The following PRKAB2 variants were observed in gnomAD, a reference collection of about 807,000 sequenced individuals.
PRKAB2 encodes protein kinase AMP-activated non-catalytic subunit beta 2.
A neutral mutation model predicts 29.8 loss-of-function variants in PRKAB2; 18 were observed. That is an observed-to-expected ratio of 0.60 (90% CI 0.42 to 0.89). The LOEUF (loss-of-function observed/expected upper bound fraction) is 0.89. Among genes scored for constraint, PRKAB2 ranks in the 40% least tolerant of loss-of-function variants. The pLI, the probability that PRKAB2 is intolerant of heterozygous loss-of-function variation, is 0.00. For synonymous variants in PRKAB2, 136 were observed against 125.9 expected (o/e 1.08, Z -0.54); for missense variants, 270 against 344.3 (o/e 0.78, Z 1.71).
At chr1:147,172,197 A>C (rs1654677645) in intron 1 of PRKAB2, 30 bp from the exon 2 acceptor site, 1 of 1,491,608 alleles carries the variant, frequency 6.7e-7, no homozygotes, top group African/African-American at 1.4e-5. Flanking sequence ...CGGGCTGGGA[A>C]CACCTCAGCC....
At chr1:147,171,844 C>G (rs1477013109) in intron 2 of PRKAB2, 145 bp downstream of exon 2, 1 of 1,091,222 alleles carries the variant, frequency 9.2e-7, no homozygotes, top group Non-Finnish European at 1.3e-6. Context: ...AATTATCATC[C>G]AACACCTCTG....
intron 2 of PRKAB2, among the ~76,000 whole-genome samples, chr1:147,169,294 A>G (rs1234878505): frequency 5.3e-5 from 8 of 152,204 alleles, no homozygotes; most frequent in Non-Finnish European, 1.2e-4. Flanking sequence ...AGTATAGCAT[A>G]TCAGTAGCAG....
chr1:147,172,043 C>T lies in PRKAB2; in HGVS notation c.102G>A (p.Lys34=). 2 of 1,590,086 alleles carry T rather than the reference C, an allele frequency of 1.3e-6. No homozygotes were observed. The highest frequency in any genetic ancestry group is 1.2e-5 in the South Asian group (1 of 86,668). ...GGTCGTCCGTACTCCCCACCATGAT[C>T]TTGTGCTCCTTCCCCGGGGCATGGC... is the stretch of plus-strand genomic sequence containing the variant. ...AGGHAPGKEH[K]IMVGSTDDPS... The change falls in exon 2 of 8, where the codon AAG becomes AAA. Residue 34 remains lysine (K), a synonymous_variant. Transcript: ENST00000254101.
chr1:147,160,772 C>T (rs587681213), intron 7 of PRKAB2: 1 of 152,286 alleles, frequency 6.6e-6, no homozygotes, highest in African/African-American at 2.4e-5. Context: ...GACTGGACCT[C>T]AGCAGTCCTG....
At chr1:147,170,081 T>C (rs1416199332) in intron 2 of PRKAB2, among the ~76,000 whole-genome samples, 2 of 152,216 alleles carry the variant, frequency 1.3e-5, no homozygotes, top group African/African-American at 4.8e-5. Flanking sequence ...TTACTCCAAG[T>C]TACTCAGCAA....
chr1:147,161,685 CTG>C, intron 7 of PRKAB2, 25 bp downstream of exon 7: 1 of 1,580,656 alleles, frequency 6.3e-7, no homozygotes, highest in Non-Finnish European at 8.7e-7. Flanking sequence ...CCAGGGAGCT[CTG>C]TGAAGAGCCA....
intron 5 of PRKAB2, 36 bp from the exon 6 acceptor site, chr1:147,162,609 G>C: frequency 6.4e-7 from 1 of 1,574,330 alleles, no homozygotes; most frequent in African/African-American, 1.4e-5. Flanking sequence ...GAAAGAGTTG[G>C]AGAATTAGCA....
At chr1:147,169,305 G>A (rs1305324948) in intron 2 of PRKAB2, among the ~76,000 whole-genome samples, 4 of 152,056 alleles carry the variant, frequency 2.6e-5, no homozygotes, top group Non-Finnish European at 4.4e-5. Flanking sequence ...TCAGTAGCAG[G>A]ATAATCCAAA....
rs189347102 is a variant in PRKAB2 at position 147,159,015 on chromosome 1, G to C, written c.*550C>G. On this transcript the variant is annotated 3_prime_UTR_variant, in exon 8 of 8. Coordinates refer to ENST00000254101, the MANE Select transcript of PRKAB2 (RefSeq NM_005399.5). Reference sequence around the variant, plus strand: ...AAGAATGTGAAATGAGAGGAATAAGGGTTCTTGTGGGGCATCTGGTATCAT... The same window carrying C: ...AAGAATGTGAAATGAGAGGAATAAGCGTTCTTGTGGGGCATCTGGTATCAT... The C allele has an allele frequency of 1.5e-3, 224 of 152,690 alleles. 1 individual carries two copies. Among genetic ancestry groups the C allele is most frequent in the African/African-American group, 4.8e-3 (200 of 41,516 alleles). 9.5% of individuals were successfully genotyped at this position (152,690 alleles called of 1,614,324 possible). A position where few individuals can be genotyped will look rare whatever the true frequency, so the allele number is the denominator to read the frequency against.
chr1:147,172,375 G>A (rs1362801172), intron 1 of PRKAB2, 54 bp downstream of exon 1: 8 of 596,886 alleles, frequency 1.3e-5, no homozygotes, highest in Non-Finnish European at 2.2e-5. Flanking sequence ...CCCGCTATCG[G>A]GACCTCCCCC....
chr1:147,162,564 C>T lies in PRKAB2; in HGVS notation c.548G>A (p.Ser183Asn). 6.2e-7 allele frequency: 1 copy of T among 1,605,916 alleles called. No homozygotes were observed. Among genetic ancestry groups the T allele is most frequent in the Non-Finnish European group, 8.5e-7 (1 of 1,176,526 alleles). ...TTGACCATAAGGCCCTGGGGGTGAG[C>T]TGGAAAGGTCTGAAAGATATTTATA... ...SSETSCRDLS[S>N]SPPGPYGQEM... is the part of the protein sequence containing the mutation. Residue 183 changes from serine (S) to asparagine (N), a missense_variant, in exon 6 of 8, where the codon AGC (serine) becomes AAC (asparagine). By Grantham distance (46) the Ser-to-Asn change is conservative (BLOSUM62 1). Around this residue, in one of 2 missense-constraint regions of PRKAB2, gnomAD observed 228 missense variants for 255.5 expected, o/e 0.89. Coordinates refer to ENST00000254101, the MANE Select transcript of PRKAB2 (RefSeq NM_005399.5).
intron 5 of PRKAB2, 138 bp from the exon 6 acceptor site, chr1:147,162,711 AG>A: frequency 1.1e-6 from 1 of 887,956 alleles, no homozygotes; most frequent in Non-Finnish European, 1.6e-6. Flanking sequence ...TGGGATCTAC[AG>A]CTGTAAGGTA....
At chr1:147,167,384 C>T (rs1448493758) in intron 3 of PRKAB2, among the ~76,000 whole-genome samples, 1 of 152,164 alleles carries the variant, frequency 6.6e-6, no homozygotes, top group Non-Finnish European at 1.5e-5. Flanking sequence ...CTCATTATTG[C>T]TTTGGAAGCA....
intron 7 of PRKAB2, among the ~76,000 whole-genome samples, chr1:147,160,593 C>T (rs1553912954): frequency 6.6e-6 from 1 of 152,124 alleles, no homozygotes; most frequent in Non-Finnish European, 1.5e-5. Context: ...GGTTAACACT[C>T]CAGAGTCATG....
At chr1:147,162,667 T>C in intron 5 of PRKAB2, 94 bp from the exon 6 acceptor site, 1 of 1,288,702 alleles carries the variant, frequency 7.8e-7, no homozygotes. Flanking sequence ...ACATTAAATA[T>C]GGTAGAAGTC....
chr1:147,168,693 C>G (rs587622525), intron 2 of PRKAB2, among the ~76,000 whole-genome samples: 2 of 152,314 alleles, frequency 1.3e-5, no homozygotes, highest in African/African-American at 4.8e-5. Flanking sequence ...ACTCCTGTTT[C>G]TTTTCATTAC....
At chr1:147,163,162 A>G (rs1377640472) in intron 5 of PRKAB2, among the ~76,000 whole-genome samples, 1 of 152,222 alleles carries the variant, frequency 6.6e-6, no homozygotes, top group Non-Finnish European at 1.5e-5. Context: ...TCACTAGGAC[A>G]GCTAAAATCA....
chr1:147,165,745 C>A (rs1654212924), intron 5 of PRKAB2, among the ~76,000 whole-genome samples: 1 of 149,866 alleles, frequency 6.7e-6, no homozygotes. Context: ...TTTTTTTAAC[C>A]AAAAATTTAC....
At chr1:147,163,456 A>G (rs1238818027) in intron 5 of PRKAB2, among the ~76,000 whole-genome samples, 4 of 152,260 alleles carry the variant, frequency 2.6e-5, no homozygotes, top group African/African-American at 9.6e-5. Context: ...ATGTCTATCA[A>G]CTACTGAATG....
Sources: gnomAD v4.1 joint callset for allele counts (sites outside exome capture counted in the v4.1 genomes callset) on GRCh38, gnomAD v4.1.1 for gene constraint, gnomAD v4.1.1 regional missense constraint, MANE v1.5 for transcripts, NCBI Gene and HGNC (gene_info 2026-07-23, HGNC 2026-07-21) for gene names.